Variants in GAS7 observed in about 807,000 individuals in gnomAD.
GAS7 encodes the protein growth arrest specific 7.
Under a neutral mutation model 71.1 loss-of-function variants are expected in GAS7, and 28 were observed. That is an observed-to-expected ratio of 0.39 (90% CI 0.29 to 0.54). The LOEUF is 0.54. GAS7 is among the 20% of genes least tolerant of loss of function. The pLI, the probability that GAS7 is intolerant of heterozygous loss-of-function variation, is 0.62. For synonymous variants in GAS7, 258 were observed against 245.8 expected (o/e 1.05, Z -0.46); for missense variants, 436 against 627.8 (o/e 0.69, Z 3.27).
In GAS7 at chr17:10,165,291, C is replaced by CAAA. The variant is rs71365731; in HGVS notation, c.183+32914_183+32916dup. On this transcript the variant is annotated intron_variant, in intron 1 of 13. Coordinates refer to ENST00000432992, the MANE Select transcript of GAS7 (RefSeq NM_201433.2). ...TGTGCGACAGAGCGAGATTCCTTCT[C>CAAA]AAAAAAAAAAAAAAAAAAAAGAAAA... 1.1e-3 allele frequency among the ~76,000 whole-genome samples: 82 copies of CAAA among 77,470 alleles called. 1 individual carries two copies. Among genetic ancestry groups the CAAA allele is most frequent in the Middle Eastern group, 7.1e-3 (1 of 140 alleles). 50.8% of individuals were successfully genotyped at this position (77,470 alleles called of 152,430 possible). A position where few individuals can be genotyped will look rare whatever the true frequency, so the allele number is the denominator to read the frequency against.
chr17:9,965,967 C>G (rs2069691420), intron 4 of GAS7, among the ~76,000 whole-genome samples: 1 of 151,816 alleles, frequency 6.6e-6, no homozygotes, highest in Non-Finnish European at 1.5e-5. Context: ...AGTCCCTTTC[C>G]CCATCCCCCG....
chr17:10,021,259 T>A (rs2072255012), intron 1 of GAS7, among the ~76,000 whole-genome samples: 1 of 152,164 alleles, frequency 6.6e-6, no homozygotes, highest in Admixed American at 6.5e-5. Context: ...CCCCCAGCTG[T>A]GCCCATAGTG....
intron 1 of GAS7, among the ~76,000 whole-genome samples, chr17:10,038,221 G>C (rs2072792905): frequency 6.6e-6 from 1 of 152,126 alleles, no homozygotes; most frequent in South Asian, 2.1e-4. Flanking sequence ...AGCCAGTCGT[G>C]GTGGTGTATA....
Position 10,158,336 on chromosome 17 carries a change from T to TAAAAAAA in GAS7, c.183+39865_183+39871dup, listed in dbSNP as rs58514810. 5.2e-3 allele frequency among the ~76,000 whole-genome samples: 433 copies of TAAAAAAA among 83,326 alleles called. 5 individuals are homozygous for TAAAAAAA. Among genetic ancestry groups the TAAAAAAA allele is most frequent in the African/African-American group, 0.018 (422 of 23,538 alleles). 54.7% of individuals were successfully genotyped at this position (83,326 alleles called of 152,430 possible). On this transcript the variant is annotated intron_variant, in intron 1 of 13. Coordinates refer to ENST00000432992, the MANE Select transcript of GAS7 (RefSeq NM_201433.2). ...CCAATCCTGTTTTTTCTTTTTTTGGTAAAAAAAAAAAAAAAAAAAAAAAAC... is the reference window on the plus strand; with the variant it reads ...CCAATCCTGTTTTTTCTTTTTTTGGTAAAAAAAAAAAAAAAAAAAAAAAAAAAAAAAC...
intron 1 of GAS7, among the ~76,000 whole-genome samples, chr17:10,066,752 G>C (rs1440514857): frequency 6.6e-6 from 1 of 152,132 alleles, no homozygotes; most frequent in Non-Finnish European, 1.5e-5. Flanking sequence ...CAGGACATCA[G>C]GACAGCCTTT....
At chr17:9,962,789 C>T (rs938799111) in intron 4 of GAS7, among the ~76,000 whole-genome samples, 1 of 152,128 alleles carries the variant, frequency 6.6e-6, no homozygotes, top group Non-Finnish European at 1.5e-5. Flanking sequence ...GGAAAATGTA[C>T]CCCTGCAAAG....
chr17:9,955,249 G>A (rs181207892), intron 5 of GAS7, among the ~76,000 whole-genome samples: 5 of 152,250 alleles, frequency 3.3e-5, no homozygotes, highest in Admixed American at 6.5e-5. Flanking sequence ...AGGACTTTCC[G>A]CATGTGGATT....
intron 1 of GAS7, among the ~76,000 whole-genome samples, chr17:10,167,989 G>A (rs1455329015): frequency 6.6e-6 from 1 of 152,102 alleles, no homozygotes; most frequent in Non-Finnish European, 1.5e-5. Context: ...GTGAGCCTCT[G>A]CACCTGGCCT....
chr17:10,012,372 C>A (rs2071808517), intron 2 of GAS7, among the ~76,000 whole-genome samples: 1 of 152,198 alleles, frequency 6.6e-6, no homozygotes, highest in Admixed American at 6.5e-5. Context: ...ATTGCAACCT[C>A]TGCCTCCTGG....
At chr17:10,140,807 C>T (rs943816084) in intron 1 of GAS7, among the ~76,000 whole-genome samples, 13 of 152,192 alleles carry the variant, frequency 8.5e-5, no homozygotes, top group African/African-American at 3.1e-4. Context: ...GCCGTGGAGA[C>T]TCAGTCTGCT....
At chr17:10,062,795 A>C (rs1250914313) in intron 1 of GAS7, among the ~76,000 whole-genome samples, 1 of 152,128 alleles carries the variant, frequency 6.6e-6, no homozygotes, top group Non-Finnish European at 1.5e-5. Flanking sequence ...TCTCTCCCCC[A>C]GGAGTGCTGA....
chr17:10,059,920 A>G, intron 1 of GAS7: 1 of 542,586 alleles, frequency 1.8e-6, no homozygotes, highest in Non-Finnish European at 2.4e-6. Flanking sequence ...GCAATCGGGA[A>G]AGCATGTCCA....
At chr17:10,080,029 T>C (rs565226392) in intron 1 of GAS7, among the ~76,000 whole-genome samples, 1 of 152,286 alleles carries the variant, frequency 6.6e-6, no homozygotes, top group Non-Finnish European at 1.5e-5. Context: ...TGAGACCTAC[T>C]GGGCTGCACT....
At chr17:9,946,667 G>A (rs979115253) in intron 6 of GAS7, among the ~76,000 whole-genome samples, 3 of 152,226 alleles carry the variant, frequency 2.0e-5, no homozygotes, top group African/African-American at 7.2e-5. Flanking sequence ...TGGTTGAAGT[G>A]TCTGTAATGT....
chr17:10,129,877 A>G (rs987338741), intron 1 of GAS7, among the ~76,000 whole-genome samples: 2 of 152,234 alleles, frequency 1.3e-5, no homozygotes, highest in African/African-American at 4.8e-5. Context: ...ACCTTTCTCC[A>G]AAGAAGATAC....
At chr17:10,100,012 T>C (rs187913789) in intron 1 of GAS7, among the ~76,000 whole-genome samples, 7 of 152,244 alleles carry the variant, frequency 4.6e-5, no homozygotes, top group African/African-American at 9.6e-5. Flanking sequence ...AGATCAGGAA[T>C]GGAAAGAGAC....
At chr17:9,940,445 C>T (rs543594841) in intron 7 of GAS7, among the ~76,000 whole-genome samples, 1 of 152,332 alleles carries the variant, frequency 6.6e-6, no homozygotes, top group East Asian at 1.9e-4. Context: ...TTTCTCCGGT[C>T]TCCTAGAGCT....
chr17:10,058,004 A>G (rs1443448336), intron 1 of GAS7, among the ~76,000 whole-genome samples: 2 of 152,342 alleles, frequency 1.3e-5, no homozygotes, highest in Admixed American at 1.3e-4. Flanking sequence ...TAAATGGATT[A>G]AGGGCAGTGC....
chr17:9,916,171 CAAG>C lies in GAS7; in HGVS notation c.*1054_*1056del, dbSNP rs2067576220. The C allele has an allele frequency of 4.3e-6, 1 of 233,182 alleles. No individual in the cohort carries two copies. The allele number at this position is 233,182 out of a possible 1,614,324, so 14.4% of individuals were successfully genotyped here. A position where few individuals can be genotyped will look rare whatever the true frequency, so the allele number is the denominator to read the frequency against. On this transcript the variant is annotated 3_prime_UTR_variant, in exon 14 of 14. Transcript: ENST00000432992. ...ACAGCAGTCCCAGCCCTGCCATACA[CAAG>C]AAGACAGAGCCATCTGGGGGATGGC...
Sources: gnomAD v4.1 joint callset for allele counts (sites outside exome capture counted in the v4.1 genomes callset) on GRCh38, gnomAD v4.1.1 for gene constraint, MANE v1.5 for transcripts, NCBI Gene and HGNC (gene_info 2026-07-23, HGNC 2026-07-21) for gene names.